STPG2: variants seen among roughly 807,000 people sequenced by gnomAD.
STPG2 encodes sperm-tail PG-rich repeat-containing protein 2.
Under a neutral mutation model 54.2 loss-of-function variants are expected in STPG2, and 56 were observed. The ratio of observed to expected loss-of-function variants is 1.03; its 90% CI spans 0.83 to 1.29. STPG2 has a LOEUF of 1.29. STPG2 is among the 50% of genes most tolerant of loss of function. The pLI is 0.00. For missense variants in STPG2, 596 were observed against 544.9 expected (o/e 1.09, Z -0.93); for synonymous variants, 200 against 181.8 (o/e 1.10, Z -0.81).
chr4:97,657,140 A>G (rs1288941997), intron 10 of STPG2, among the ~76,000 whole-genome samples: 2 of 152,124 alleles, frequency 1.3e-5, no homozygotes, highest in Non-Finnish European at 2.9e-5. Context: ...ATTTAATGCA[A>G]TAATGGAATA....
intron 10 of STPG2, among the ~76,000 whole-genome samples, chr4:97,596,091 A>G (rs917544986): frequency 5.9e-5 from 9 of 152,158 alleles, no homozygotes; most frequent in African/African-American, 9.7e-5. Context: ...AAGCAAACAG[A>G]AAACAGAAAA....
In STPG2 at chr4:97,564,839, C is replaced by T. The variant is rs777867154; in HGVS notation, c.1321-5722G>A. Among the ~76,000 whole-genome samples, 138 of 152,224 alleles carry T rather than the reference C, an allele frequency of 9.1e-4. 1 individual carries two copies. The highest frequency in any genetic ancestry group is 1.6e-3 in the Non-Finnish European group (106 of 68,000). On this transcript the variant is annotated intron_variant, in intron 10 of 10. Coordinates refer to ENST00000295268, the MANE Select transcript of STPG2 (RefSeq NM_174952.3). ...GATGGGCTTCCCTTTGTGAGTAACC[C>T]GACCTTTCTCTCTGGCTGCCGTTAA...
rs144861574 is a variant in STPG2, at chr4:97,479,708, T to C, written c.462+232991A>G. 8.9e-3 allele frequency among the ~76,000 whole-genome samples: 1,349 copies of C among 151,940 alleles called. 22 individuals are homozygous for C. Among genetic ancestry groups the C allele is most frequent in the African/African-American group, 0.031 (1,294 of 41,532 alleles). On this transcript the variant is annotated intron_variant, in intron 4 of 4. Transcript: ENST00000522676. ...TGTGACTAATGTAAATAGATTAAGG[T>C]TTCCATTATAGATCAAGACAGAATA...
chr4:97,684,489 T>C (rs1280163617), intron 10 of STPG2, among the ~76,000 whole-genome samples: 2 of 151,928 alleles, frequency 1.3e-5, no homozygotes, highest in East Asian at 1.9e-4. Context: ...GACAGGATAA[T>C]CTTTTCAACA....
intron 4 of STPG2, among the ~76,000 whole-genome samples, chr4:97,498,002 C>A (rs1730646607): frequency 6.6e-6 from 1 of 151,786 alleles, no homozygotes; most frequent in African/African-American, 2.4e-5. Flanking sequence ...GGAAGTGGAA[C>A]AGGAACAAGC....
At chr4:97,510,692 A>G (rs1730953357) in intron 4 of STPG2, among the ~76,000 whole-genome samples, 1 of 152,138 alleles carries the variant, frequency 6.6e-6, no homozygotes, top group Admixed American at 6.5e-5. Context: ...CAAGGAGCAC[A>G]CAACCTAGAT....
chr4:97,766,018 A>C (rs1056634351), intron 9 of STPG2, among the ~76,000 whole-genome samples: 1 of 152,082 alleles, frequency 6.6e-6, no homozygotes, highest in Non-Finnish European at 1.5e-5. Context: ...TGAAATTGGA[A>C]GTTGTAGGAT....
At position 98,052,134 on chromosome 4, in the gene STPG2, T is replaced by G. The variant is rs142374471; in HGVS notation, c.612+53819A>C. ...CAAATTCACATTCAACTATAAAACC[T>G]ATTATCTCCCAAAAATTTCTCAAGT... On this transcript the variant is annotated intron_variant, in intron 5 of 10. Transcript: ENST00000295268. 1.9e-3 allele frequency among the ~76,000 whole-genome samples: 293 copies of G among 151,640 alleles called. 1 individual carries two copies. The highest frequency in any genetic ancestry group is 6.6e-3 in the African/African-American group (273 of 41,386).
At chr4:97,584,040 T>C (rs1303575726) in intron 10 of STPG2, among the ~76,000 whole-genome samples, 1 of 151,840 alleles carries the variant, frequency 6.6e-6, no homozygotes, top group African/African-American at 2.4e-5. Flanking sequence ...ACTCAACTGG[T>C]ATTTACAGAA....
At chr4:97,934,883 G>C (rs1184807373) in intron 8 of STPG2, among the ~76,000 whole-genome samples, 1 of 152,110 alleles carries the variant, frequency 6.6e-6, no homozygotes, top group African/African-American at 2.4e-5. Context: ...AATTAGTTAA[G>C]GAGAAGCCCC....
At chr4:97,871,432 A>AT (rs1290432358) in intron 8 of STPG2, among the ~76,000 whole-genome samples, 2 of 150,948 alleles carry the variant, frequency 1.3e-5, no homozygotes, top group Middle Eastern at 3.4e-3. Flanking sequence ...GGGAATCATA[A>AT]TTTTTTAAAA....
intron 10 of STPG2, among the ~76,000 whole-genome samples, chr4:97,697,253 G>C (rs1041636176): frequency 9.9e-5 from 15 of 152,122 alleles, no homozygotes; most frequent in African/African-American, 2.2e-4. Context: ...ACTATTAATG[G>C]CTCTTAATAA....
intron 5 of STPG2, among the ~76,000 whole-genome samples, chr4:98,013,757 G>T (rs1416883079): frequency 6.8e-6 from 1 of 147,432 alleles, no homozygotes; most frequent in South Asian, 2.2e-4. Context: ...TATTTGCACA[G>T]AGGTATTTAT....
chr4:97,522,838 A>G (rs1578360489), intron 4 of STPG2, among the ~76,000 whole-genome samples: 1 of 152,136 alleles, frequency 6.6e-6, no homozygotes, highest in African/African-American at 2.4e-5. Flanking sequence ...ACAATGGTTC[A>G]CCATCTATAT....
intron 9 of STPG2, among the ~76,000 whole-genome samples, chr4:97,765,167 G>T (rs1380298504): frequency 1.3e-5 from 2 of 152,116 alleles, no homozygotes; most frequent in African/African-American, 2.4e-5. Context: ...TTGCTGAAGA[G>T]ATGTTAAAAT....
chr4:98,071,286 C>G (rs1737994898), intron 5 of STPG2, among the ~76,000 whole-genome samples: 1 of 152,040 alleles, frequency 6.6e-6, no homozygotes, highest in Non-Finnish European at 1.5e-5. Flanking sequence ...AACTGATCTT[C>G]AGCAAAACTG....
intron 9 of STPG2, among the ~76,000 whole-genome samples, chr4:97,746,433 T>C (rs1424746898): frequency 6.6e-6 from 1 of 151,194 alleles, no homozygotes; most frequent in Non-Finnish European, 1.5e-5. Context: ...GACTTAACAG[T>C]TGAATGTCTC....
intron 9 of STPG2, among the ~76,000 whole-genome samples, chr4:97,832,334 C>G (rs1174731113): frequency 6.6e-6 from 1 of 152,186 alleles, no homozygotes; most frequent in Admixed American, 6.5e-5. Context: ...GCTAAACACT[C>G]TCCATAAACT....
At chr4:97,741,924 T>C (rs1468278961) in intron 9 of STPG2, among the ~76,000 whole-genome samples, 2 of 152,138 alleles carry the variant, frequency 1.3e-5, no homozygotes, top group Non-Finnish European at 2.9e-5. Flanking sequence ...CGTATGTTTA[T>C]TGTGGCACTA....
Sources: allele counts gnomAD v4.1 joint callset (sites outside exome capture counted in the v4.1 genomes callset), GRCh38; gene constraint gnomAD v4.1.1; transcripts MANE v1.5; gene names NCBI Gene and HGNC (gene_info 2026-07-23, HGNC 2026-07-21).